Variants in CHIA observed in about 807,000 individuals in gnomAD.
CHIA encodes acidic mammalian chitinase.
Under a neutral mutation model 53.5 loss-of-function variants are expected in CHIA, and 47 were observed. That is an observed-to-expected ratio of 0.88 (90% CI 0.70 to 1.12). The LOEUF (loss-of-function observed/expected upper bound fraction) is 1.12. Ranked by LOEUF, CHIA falls within the 50% of genes most tolerant of loss-of-function variation. The pLI, the probability that CHIA is intolerant of heterozygous loss-of-function variation, is 0.00. For missense variants in CHIA, 652 were observed against 592.2 expected (o/e 1.10, Z -1.05); for synonymous variants, 268 against 222.2 (o/e 1.21, Z -1.83).
chr1:111,311,717 C>T lies in CHIA; in HGVS notation c.54C>T (p.Leu18=), dbSNP rs745989104. ...TGLVLILNLQ[L]GSAYQLTCYF... is the part of the protein sequence containing the mutation. ...TTGTCCTTATACTGAATTTGCAGCT[C>T]GGTAAGTCATGGACTCCATGTTTTA... Residue 18 remains leucine, a splice_region_variant and synonymous_variant, in exon 3 of 12, where the codon CTC becomes CTT. Transcript: ENST00000369740. 21 of 1,613,576 alleles carry T rather than the reference C, an allele frequency of 1.3e-5. No homozygotes were observed. The South Asian group carries it at 1.9e-4, about 14-fold the overall frequency.
Position 111,319,202 on chromosome 1 carries a change from G to C in CHIA, c.998G>C (p.Trp333Ser). 1 of 1,613,896 alleles carries C rather than the reference G, an allele frequency of 6.2e-7. No individual in the cohort carries two copies. Among genetic ancestry groups the C allele is most frequent in the Non-Finnish European group, 8.5e-7 (1 of 1,180,024 alleles). Residue 333 changes from tryptophan (W) to serine (S), a missense_variant, in exon 10 of 12, where the codon TGG becomes TCG. By Grantham distance (177) the Trp-to-Ser change is radical. Transcript: ENST00000369740. The part of the protein sequence containing the change: ...EVPYAYQGNV[W>S]VGYDNIKSFD... ...CCTTATGCCTATCAGGGCAATGTGT[G>C]GGTTGGCTATGACAACATCAAGAGC...
intron 2 of CHIA, among the ~76,000 whole-genome samples, chr1:111,311,213 C>G (rs12043391): frequency 6.6e-6 from 1 of 152,098 alleles, no homozygotes; most frequent in Non-Finnish European, 1.5e-5. Context: ...AGTCTCACCC[C>G]ATAGTTCCTA....
intron 11 of CHIA, 61 bp downstream of exon 11, chr1:111,319,529 A>G: frequency 6.6e-7 from 1 of 1,521,440 alleles, no homozygotes; most frequent in Non-Finnish European, 9.1e-7. Context: ...TCAAAAAGCA[A>G]CCCTGATGTC....
intron 1 of CHIA, among the ~76,000 whole-genome samples, chr1:111,307,685 G>C (rs970505602): frequency 4.7e-5 from 7 of 150,076 alleles, no homozygotes; most frequent in Non-Finnish European, 8.9e-5. Flanking sequence ...GTCGTCACCT[G>C]AGCTGGAGTG....
intron 1 of CHIA, among the ~76,000 whole-genome samples, chr1:111,306,993 T>A (rs983684725): frequency 1.3e-5 from 2 of 152,252 alleles, no homozygotes; most frequent in Admixed American, 1.3e-4. Flanking sequence ...TCTCATACGT[T>A]GCTGTTGGTA....
At position 111,312,305 on chromosome 1, in the gene CHIA, C is replaced by T. The variant is rs927253771; in HGVS notation, c.171C>T (p.Ala57=). 1 of 1,613,858 alleles carries T rather than the reference C, an allele frequency of 6.2e-7. No individual in the cohort carries two copies. Among genetic ancestry groups the T allele is most frequent in the Non-Finnish European group, 8.5e-7 (1 of 1,179,976 alleles). Residue 57 remains alanine, a synonymous_variant, in exon 4 of 12, where the codon GCC becomes GCT. Coordinates refer to ENST00000369740, the MANE Select transcript of CHIA (RefSeq NM_201653.4). ...GCCTCTGTACCCACCTGATCTACGC[C>T]TTTGCTGGGAGGCAGAACAACGAGA... ...DPCLCTHLIY[A]FAGRQNNEIT...
intron 4 of CHIA, among the ~76,000 whole-genome samples, chr1:111,314,109 AT>A (rs1648942841): frequency 6.6e-6 from 1 of 152,198 alleles, no homozygotes. Flanking sequence ...CTTAATTATT[AT>A]GTATGTTAAT....
At chr1:111,303,106 C>A (rs1445488924) in intron 1 of CHIA, among the ~76,000 whole-genome samples, 1 of 151,994 alleles carries the variant, frequency 6.6e-6, no homozygotes, top group Non-Finnish European at 1.5e-5. Flanking sequence ...CATGGAATAC[C>A]TGTCTCCATC....
chr1:111,308,517 G>T (rs1648405611), intron 1 of CHIA, among the ~76,000 whole-genome samples: 1 of 152,146 alleles, frequency 6.6e-6, no homozygotes, highest in Admixed American at 6.5e-5. Flanking sequence ...TAGGGTAAAA[G>T]AAACAATAAA....
rs749753951 is a variant in CHIA, at chr1:111,320,404, C to A, written c.1369C>A (p.Gln457Lys). 6.2e-7 allele frequency: 1 copy of A among 1,614,180 alleles called. No homozygotes were observed. The change falls in exon 12 of 12, where the codon CAG becomes AAG. Residue 457 changes from glutamine (Q) to lysine (K), a missense_variant. By Grantham distance (53) the Gln-to-Lys change is moderately conservative. Transcript: ENST00000369740. ...GCACTGCGTGAATGGAGTCACGTAC[C>A]AGCAGAACTGCCAGGCCGGGCTTGT... ...FWHCVNGVTYQQNCQAGLVFD... is the reference protein window; with the variant it reads ...FWHCVNGVTYKQNCQAGLVFD...
Position 111,309,237 on chromosome 1 carries a change from T to C in CHIA, c.-68-1163T>C, listed in dbSNP as rs1170515826. The stretch of plus-strand genomic sequence containing the variant: ...ATTAGACTTTCTCTGGTTCTGAGAG[T>C]AGAACAAAACACTTAACCTACCAAT... On this transcript the variant is annotated intron_variant, in intron 1 of 11. Transcript: ENST00000369740. 7.2e-5 allele frequency among the ~76,000 whole-genome samples: 11 copies of C among 152,104 alleles called. No homozygotes were observed. The East Asian group carries it at 2.1e-3, about 29-fold the overall frequency.
chr1:111,302,919 T>C (rs1557736682), intron 1 of CHIA, among the ~76,000 whole-genome samples: 1 of 152,182 alleles, frequency 6.6e-6, no homozygotes, highest in Non-Finnish European at 1.5e-5. Flanking sequence ...TTTTGCTTCA[T>C]ATATTTTTAT....
At chr1:111,315,776 A>G (rs1649107914) in intron 6 of CHIA, 1 of 461,522 alleles carries the variant, frequency 2.2e-6, no homozygotes, top group Non-Finnish European at 4.3e-6. Context: ...CAACTTGCCC[A>G]AGATCACACA....
chr1:111,304,044 C>G (rs965471306), intron 1 of CHIA, among the ~76,000 whole-genome samples: 9 of 152,112 alleles, frequency 5.9e-5, no homozygotes, highest in African/African-American at 2.2e-4. Flanking sequence ...TCTTTTAGAA[C>G]TTTGAATCTA....
intron 1 of CHIA, among the ~76,000 whole-genome samples, chr1:111,303,476 T>A (rs971370885): frequency 6.6e-6 from 1 of 151,986 alleles, no homozygotes; most frequent in Non-Finnish European, 1.5e-5. Context: ...CATACACACA[T>A]ATATATACAC....
Position 111,320,497 on chromosome 1 carries a change from C to T in CHIA, c.*31C>T. The T allele has an allele frequency of 6.3e-7, 1 of 1,599,170 alleles. No individual in the cohort carries two copies. The highest frequency in any genetic ancestry group is 8.6e-7 in the Non-Finnish European group (1 of 1,167,960). ...ACCTGGTCTATATTCCCTAGAGTTC[C>T]AGTCTCTTTTGCTTAGGACATGTTG... On this transcript the variant is annotated 3_prime_UTR_variant, in exon 12 of 12. Coordinates refer to ENST00000369740, the MANE Select transcript of CHIA (RefSeq NM_201653.4).
rs1649267884 is a variant in CHIA at position 111,317,654 on chromosome 1, G to A, written c.481-27G>A. Reference sequence around the variant, plus strand: ...AGGAGCTAAAATCAGCATCATAGATGTCCTATTATGCCTTATTATTCTGTA... The same window carrying A: ...AGGAGCTAAAATCAGCATCATAGATATCCTATTATGCCTTATTATTCTGTA... On this transcript the variant is annotated intron_variant, in intron 6 of 11. Transcript: ENST00000369740. 7 of 1,612,068 alleles carry A rather than the reference G, an allele frequency of 4.3e-6. No individual in the cohort carries two copies. In the South Asian group the frequency reaches 5.5e-5, roughly 13 times the overall value.
In CHIA at chr1:111,315,392, G is replaced by C. The variant is rs142253415; in HGVS notation, c.437G>C (p.Gly146Ala). 5.2e-5 allele frequency: 84 copies of C among 1,614,118 alleles called. No individual in the cohort carries two copies. Among genetic ancestry groups the C allele is most frequent in the Non-Finnish European group, 6.4e-5 (76 of 1,179,996 alleles). ...DFDWEYPGSR[G>A]SPPQDKHLFT... ...GACTGGGAGTACCCTGGCTCTCGTG[G>C]GAGCCCTCCTCAGGACAAGCATCTC... Residue 146 changes from glycine (G) to alanine (A), a missense_variant, in exon 6 of 12, where the codon GGG becomes GCG. Coordinates refer to ENST00000369740, the MANE Select transcript of CHIA (RefSeq NM_201653.4).
intron 1 of CHIA, among the ~76,000 whole-genome samples, chr1:111,293,985 G>T (rs537310844): frequency 6.6e-6 from 1 of 152,180 alleles, no homozygotes; most frequent in African/African-American, 2.4e-5. Context: ...AGGAGGCTGA[G>T]GTGGGAGGAT....
Sources: gnomAD v4.1 joint callset for allele counts (sites outside exome capture counted in the v4.1 genomes callset) on GRCh38, gnomAD v4.1.1 for gene constraint, MANE v1.5 for transcripts, NCBI Gene and HGNC (gene_info 2026-07-23, HGNC 2026-07-21) for gene names.